Variants in ULK1 observed in about 807,000 individuals in gnomAD.
ULK1 encodes unc-51 like autophagy activating kinase 1, also known as serine/threonine-protein kinase ULK1.
ULK1 carries 48 observed loss-of-function variants against 117.5 expected under a neutral mutation model. That is an observed-to-expected ratio of 0.41 (90% CI 0.32 to 0.52). The LOEUF (loss-of-function observed/expected upper bound fraction) is 0.52. Among genes scored for constraint, ULK1 ranks in the 20% least tolerant of loss-of-function variants. The pLI is 0.29. For synonymous variants in ULK1, 790 were observed against 637.8 expected (o/e 1.24, Z -3.60); for missense variants, 1,387 against 1,473.4 (o/e 0.94, Z 0.96).
Position 131,916,993 on chromosome 12 carries a change from G to C in ULK1, c.2113G>C (p.Ala705Pro). 1 of 1,611,644 alleles carries C rather than the reference G, an allele frequency of 6.2e-7. No individual in the cohort carries two copies. The change falls in exon 21 of 28, where the codon GCG (alanine) becomes CCG (proline). Residue 705 changes from alanine (A) to proline (P), a missense_variant. Coordinates refer to ENST00000321867, the MANE Select transcript of ULK1 (RefSeq NM_003565.4). ...TSRLTDLLLK[A>P]AFGTQAPDPG... ...CCGCCTCACTGACCTGCTCCTTAAG[G>C]CGGCGTTTGGGACACAAGCCCCGGA...
In ULK1 at chr12:131,921,574, C is replaced by T; in HGVS notation, c.*213C>T. 1 of 695,838 alleles carries T rather than the reference C, an allele frequency of 1.4e-6. No individual in the cohort carries two copies. Among genetic ancestry groups the T allele is most frequent in the Non-Finnish European group, 2.4e-6 (1 of 416,260 alleles). 43.1% of individuals were successfully genotyped at this position (695,838 alleles called of 1,614,324 possible). ...ACACAGCTTGGGGGGTGTCTCCCAT[C>T]TTTTACAGGTGGGGATCACAGAATT... On this transcript the variant is annotated 3_prime_UTR_variant, in exon 28 of 28. Coordinates refer to ENST00000321867, the MANE Select transcript of ULK1 (RefSeq NM_003565.4).
chr12:131,916,162 A>T lies in ULK1; in HGVS notation c.1878+3A>T. On this transcript the variant is annotated splice_donor_region_variant and intron_variant, in intron 19 of 27. Coordinates refer to ENST00000321867, the MANE Select transcript of ULK1 (RefSeq NM_003565.4). ...CCATCCTGGGCTCCCCCACCAAGGT[A>T]ATGGGCACTGCCATGTGTGCAGGGG... is the stretch of plus-strand genomic sequence containing the variant. The T allele has an allele frequency of 6.2e-7, 1 of 1,610,814 alleles. No homozygotes were observed. Among genetic ancestry groups the T allele is most frequent in the African/African-American group, 1.3e-5 (1 of 74,950 alleles).
Position 131,894,962 on chromosome 12 carries a change from C to A in ULK1, c.-40C>A. The A allele has an allele frequency of 2.7e-6, 2 of 732,508 alleles. No individual in the cohort carries two copies. The highest frequency in any genetic ancestry group is 3.5e-6 in the Non-Finnish European group (2 of 571,800). The allele number at this position is 732,508 out of a possible 1,614,324, so 45.4% of individuals were successfully genotyped here. ...TCCGCCTGAGTCCCCCGCGCCTTGG[C>A]CCGCCACCCCCCGCCCCGCGCCCCC... On this transcript the variant is annotated 5_prime_UTR_variant, in exon 1 of 28. Coordinates refer to ENST00000321867, the MANE Select transcript of ULK1 (RefSeq NM_003565.4).
intron 20 of ULK1, 104 bp downstream of exon 20, chr12:131,916,695 C>A: frequency 1.5e-6 from 2 of 1,359,736 alleles, no homozygotes; most frequent in Non-Finnish European, 1.9e-6. Flanking sequence ...AAAAGCCCAG[C>A]CTTGCCCTTC....
intron 16 of ULK1, 119 bp downstream of exon 16, chr12:131,914,596 C>T (rs575862437): frequency 3.0e-6 from 4 of 1,326,200 alleles, no homozygotes; most frequent in East Asian, 5.2e-5. Flanking sequence ...AGGCTGCGCA[C>T]TGCGTAACTC....
chr12:131,911,124 T>C (rs1352316924), intron 12 of ULK1, among the ~76,000 whole-genome samples: 2 of 152,202 alleles, frequency 1.3e-5, no homozygotes, highest in African/African-American at 2.4e-5. Context: ...GTGTCTTCCA[T>C]TGGACTCAAA....
intron 26 of ULK1, 144 bp downstream of exon 26, chr12:131,920,280 C>A: frequency 2.7e-6 from 3 of 1,110,350 alleles, no homozygotes; most frequent in Non-Finnish European, 3.8e-6. Flanking sequence ...CAGCATTATG[C>A]ACCCCCAGCC....
At chr12:131,904,847 C>T (rs747715204) in intron 3 of ULK1, among the ~76,000 whole-genome samples, 4 of 152,164 alleles carry the variant, frequency 2.6e-5, no homozygotes, top group African/African-American at 7.2e-5. Flanking sequence ...TGGGCATGGC[C>T]GTCCTGAAGT....
rs147660552 is a variant in ULK1, at chr12:131,916,079, C to T, written c.1798C>T (p.Arg600Trp). The T allele has an allele frequency of 1.6e-4, 262 of 1,612,576 alleles. No individual in the cohort carries two copies. The highest frequency in any genetic ancestry group is 8.2e-4 in the Middle Eastern group (5 of 6,062). Residue 600 changes from arginine to tryptophan, a missense_variant, in exon 19 of 28, where the codon CGG becomes TGG. This residue lies in a region of ULK1 where 900 missense variants were observed against 858.9 expected (regional missense o/e 1.05). Transcript: ENST00000321867. ...PQPSHGLQSC[R>W]NLRGSPKLPD... ...GCCGTCCCACGGCCTGCAGTCCTGC[C>T]GGAACCTGCGGGGCTCACCCAAGCT... is the stretch of plus-strand genomic sequence containing the variant.
At chr12:131,915,483 C>G (rs79589607) in intron 18 of ULK1, 62 bp downstream of exon 18, 23,394 of 1,571,554 alleles carry the variant, frequency 0.015, 854 homozygotes, top group South Asian at 0.088. Flanking sequence ...ACGTTGTCAT[C>G]CTGGTCTAAA....
At position 131,903,481 on chromosome 12, in the gene ULK1, T is replaced by G. The variant is rs932662125; in HGVS notation, c.247-3411T>G. Reference sequence around the variant, plus strand: ...CCTGCTGCCTGGGCTCCTGCAGGGCTGGTGTAGTTCAACTTCACAGGAGGC... The same window carrying G: ...CCTGCTGCCTGGGCTCCTGCAGGGCGGGTGTAGTTCAACTTCACAGGAGGC... On this transcript the variant is annotated intron_variant, in intron 3 of 27. Coordinates refer to ENST00000321867, the MANE Select transcript of ULK1 (RefSeq NM_003565.4). This position sits in a 1 kb window ranked among gnomAD's most constrained non-coding sequence, Gnocchi z 6.0. Among the ~76,000 whole-genome samples, 1 of 152,062 alleles carries G rather than the reference T, an allele frequency of 6.6e-6. No individual in the cohort carries two copies. The highest frequency in any genetic ancestry group is 2.4e-5 in the African/African-American group (1 of 41,424).
rs538367939 is a variant in ULK1 at position 131,906,311 on chromosome 12, G to A, written c.247-581G>A. Among the ~76,000 whole-genome samples the A allele has an allele frequency of 3.1e-3, 469 of 152,154 alleles. 5 individuals carry two copies. The highest frequency in any genetic ancestry group is 6.8e-3 in the Middle Eastern group (2 of 294). ...TCACCATGTTGGTCAGGCTGGTCTC[G>A]AACTGCTGACCTCATGATCCACCCG... On this transcript the variant is annotated intron_variant, in intron 3 of 27. Coordinates refer to ENST00000321867, the MANE Select transcript of ULK1 (RefSeq NM_003565.4).
At chr12:131,920,888 G>T (rs12297124) in intron 26 of ULK1, 54,134 of 642,326 alleles carry the variant, frequency 0.084, 2,961 homozygotes, top group African/African-American at 0.16. Context: ...GGCTGAGAGC[G>T]CTGGCCAGGG....
chr12:131,905,807 C>T (rs1387153609), intron 3 of ULK1, among the ~76,000 whole-genome samples: 1 of 152,110 alleles, frequency 6.6e-6, no homozygotes. Flanking sequence ...CGCATGCTGG[C>T]CGTTGGGGTG....
At chr12:131,899,345 C>A (rs1263496171) in intron 3 of ULK1, among the ~76,000 whole-genome samples, 1 of 152,004 alleles carries the variant, frequency 6.6e-6, no homozygotes, top group African/African-American at 2.4e-5. Context: ...TGCGCCACCA[C>A]GCCTGGCTAA....
Position 131,913,783 on chromosome 12 carries a change from C to T in ULK1, c.1194C>T (p.His398=), listed in dbSNP as rs772190142. 35 of 1,577,966 alleles carry T rather than the reference C, an allele frequency of 2.2e-5. No individual in the cohort carries two copies. The highest frequency in any genetic ancestry group is 2.2e-4 in the Admixed American group (12 of 55,332). The stretch of plus-strand genomic sequence containing the variant: ...TGGCCTCTGCGGGCTTGGAGAGCCA[C>T]GGCCGGACCCCATCTCCATCCCCAC... ...SLVASAGLES[H]GRTPSPSPPC... Residue 398 remains histidine, a synonymous_variant, in exon 15 of 28, where the codon CAC becomes CAT. Coordinates refer to ENST00000321867, the MANE Select transcript of ULK1 (RefSeq NM_003565.4).
intron 1 of ULK1, 62 bp from the exon 2 acceptor site, chr12:131,895,538 TG>T: frequency 7.1e-7 from 1 of 1,399,628 alleles, no homozygotes; most frequent in Non-Finnish European, 1.0e-6. Flanking sequence ...CTGTGTGGAC[TG>T]GGGTCTGGGG....
At chr12:131,910,968 C>T (rs1028791013) in intron 12 of ULK1, among the ~76,000 whole-genome samples, 168 bp downstream of exon 12, 5 of 152,236 alleles carry the variant, frequency 3.3e-5, no homozygotes, top group Non-Finnish European at 5.9e-5. Flanking sequence ...AAACGGGTGA[C>T]AGCCCCTCCC....
rs200957497 is a variant in ULK1 at position 131,908,714 on chromosome 12, G to C, written c.387G>C (p.Leu129=). 90 of 1,606,134 alleles carry C rather than the reference G, an allele frequency of 5.6e-5. No individual in the cohort carries two copies. The highest frequency in any genetic ancestry group is 5.0e-4 in the Middle Eastern group (3 of 6,038). Residue 129 remains leucine, a synonymous_variant, in exon 6 of 28, where the codon CTG becomes CTC. Coordinates refer to ENST00000321867, the MANE Select transcript of ULK1 (RefSeq NM_003565.4). ...LQQIAGAMRL[L]HSKGIIHRDL... ...AGATCGCGGGCGCCATGCGGCTTCT[G>C]CACAGCAAAGGCATCATCCACCGCG...
Sources: gnomAD v4.1 joint callset for allele counts (sites outside exome capture counted in the v4.1 genomes callset) on GRCh38, gnomAD v4.1.1 for gene constraint, gnomAD v4.1.1 regional missense constraint, Gnocchi (gnomAD v3.1) non-coding constraint, MANE v1.5 for transcripts, NCBI Gene and HGNC (gene_info 2026-07-23, HGNC 2026-07-21) for gene names.